Variants in RUFY4 observed in about 807,000 individuals in gnomAD.
The protein encoded by RUFY4 is RUN and FYVE domain containing 4.
A neutral mutation model predicts 69.0 loss-of-function variants in RUFY4; 73 were observed. That is an observed-to-expected ratio of 1.06 (90% CI 0.88 to 1.29). The LOEUF (loss-of-function observed/expected upper bound fraction) is 1.29, where lower values mean the gene tolerates loss of function less well. RUFY4 is among the 50% of genes most tolerant of loss of function. The pLI is 0.00. For missense variants in RUFY4, 770 were observed against 705.6 expected (o/e 1.09, Z -1.03); for synonymous variants, 287 against 271.8 (o/e 1.06, Z -0.55).
At chr2:218,073,585 C>A (rs1452663521) in intron 5 of RUFY4, among the ~76,000 whole-genome samples, 199 bp downstream of exon 7, 1 of 152,176 alleles carries the variant, frequency 6.6e-6, no homozygotes, top group Non-Finnish European at 1.5e-5. Context: ...TATGCACTCA[C>A]TAACGACTTC....
intron 8 of RUFY4, among the ~76,000 whole-genome samples, chr2:218,077,419 G>A (rs1215615599): frequency 6.6e-6 from 1 of 152,154 alleles, no homozygotes; most frequent in East Asian, 1.9e-4. Context: ...CTCACTACAT[G>A]GTGCAGACTG....
rs949628059 is a variant in RUFY4, at chr2:218,055,287, C to T, written c.-1157-3308C>T. Among the ~76,000 whole-genome samples, 9 of 151,654 alleles carry T rather than the reference C, an allele frequency of 5.9e-5. No individual in the cohort carries two copies. The South Asian group carries it at 6.3e-4, about 11-fold the overall frequency. On this transcript the variant is annotated intron_variant and NMD_transcript_variant, in intron 2 of 13. Coordinates refer to the RUFY4 transcript ENST00000457754. Reference sequence around the variant, plus strand: ...GCAGGCACCTGTAGTCCCAGCTACACGGGAGGCTGAGACAGGAGAATTGCT... The same window carrying T: ...GCAGGCACCTGTAGTCCCAGCTACATGGGAGGCTGAGACAGGAGAATTGCT...
upstream of RUFY4, among the ~76,000 whole-genome samples, chr2:218,065,162 A>T (rs1252732867): frequency 1.3e-5 from 2 of 152,156 alleles, no homozygotes; most frequent in Non-Finnish European, 2.9e-5. Flanking sequence ...CACCCAAGCC[A>T]TCTCCACATC....
At chr2:218,073,425 C>A (rs756393431) in intron 5 of RUFY4, 39 bp downstream of exon 7, 1 of 1,567,762 alleles carries the variant, frequency 6.4e-7, no homozygotes, top group Non-Finnish European at 8.7e-7. Context: ...TCTTTTGACA[C>A]CTGGTCCCAT....
At chr2:218,075,287 G>C (rs576014774) in exon 7 of RUFY4, 1 of 1,601,280 alleles carries the variant, frequency 6.2e-7, no homozygotes, top group East Asian at 2.2e-5. Flanking sequence ...CCCAGAGCAT[G>C]TGGGAGCCAG....
chr2:218,038,249 T>A (rs1315318237), intron 2 of RUFY4, among the ~76,000 whole-genome samples: 1 of 152,140 alleles, frequency 6.6e-6, no homozygotes. Context: ...AAAAAAAAGT[T>A]TTCAGAAAAA....
At chr2:218,042,741 G>A (rs1688727305) in intron 2 of RUFY4, among the ~76,000 whole-genome samples, 1 of 152,008 alleles carries the variant, frequency 6.6e-6, no homozygotes, top group Non-Finnish European at 1.5e-5. Context: ...TCGGGAAAGG[G>A]GCAGTTTTAA....
At chr2:218,058,163 A>G (rs1235413089) in intron 2 of RUFY4, among the ~76,000 whole-genome samples, 1 of 152,230 alleles carries the variant, frequency 6.6e-6, no homozygotes, top group Non-Finnish European at 1.5e-5. Flanking sequence ...TCACTCCAAA[A>G]TTACAAGATG....
intron 7 of RUFY4, 90 bp downstream of exon 9, chr2:218,075,830 C>G (rs542838651): frequency 3.2e-5 from 39 of 1,236,358 alleles, no homozygotes; most frequent in Non-Finnish European, 3.8e-5. Flanking sequence ...TGGGACCATT[C>G]CCTCCCACGG....
At chr2:218,066,266 C>G (rs1689328615), upstream of RUFY4, among the ~76,000 whole-genome samples, 1 of 149,690 alleles carries the variant, frequency 6.7e-6, no homozygotes, top group Admixed American at 6.7e-5. Flanking sequence ...TCACTGCAAC[C>G]TCCACCTCCC....
chr2:218,066,544 A>G (rs1689336842), upstream of RUFY4, among the ~76,000 whole-genome samples: 1 of 152,192 alleles, frequency 6.6e-6, no homozygotes, highest in Non-Finnish European at 1.5e-5. Flanking sequence ...CAGGCCAGGA[A>G]TCTCACTTCT....
chr2:218,065,044 G>C (rs1229988439), upstream of RUFY4, among the ~76,000 whole-genome samples: 1 of 152,194 alleles, frequency 6.6e-6, no homozygotes, highest in African/African-American at 2.4e-5. Context: ...GACAGACACT[G>C]AGGTCAGCTC....
upstream of RUFY4, among the ~76,000 whole-genome samples, chr2:218,064,948 G>A (rs1407806039): frequency 2.0e-5 from 3 of 151,490 alleles, no homozygotes; most frequent in African/African-American, 4.9e-5. Context: ...TCATCACCCC[G>A]ATCCCGTTTC....
intron 3 of RUFY4, 127 bp downstream of exon 5, chr2:218,072,626 C>T: frequency 7.2e-7 from 1 of 1,380,088 alleles, no homozygotes; most frequent in Admixed American, 2.4e-5. Context: ...AAGCCCTGCC[C>T]ACAGCACCCC....
At chr2:218,083,129 G>A (rs774934997) in exon 9 of RUFY4, 35 of 1,613,264 alleles carry the variant, frequency 2.2e-5, no homozygotes, top group Admixed American at 6.7e-5. Flanking sequence ...AGAGAGAGCC[G>A]AGCTGCAGGC....
intron 9 of RUFY4, among the ~76,000 whole-genome samples, chr2:218,085,139 T>G (rs528655732): frequency 6.6e-6 from 1 of 152,288 alleles, no homozygotes; most frequent in African/African-American, 2.4e-5. Flanking sequence ...GGGTTAGCAT[T>G]AGAACTCAGC....
intron 6 of RUFY4, 40 bp downstream of exon 8, chr2:218,073,925 C>T (rs769780114): frequency 6.3e-7 from 1 of 1,597,312 alleles, no homozygotes; most frequent in Non-Finnish European, 8.6e-7. Context: ...GCCTCTTCCC[C>T]ATCTCCTTGG....
chr2:218,078,885 G>C (rs975975925), intron 8 of RUFY4, among the ~76,000 whole-genome samples: 2 of 151,968 alleles, frequency 1.3e-5, no homozygotes, highest in Non-Finnish European at 2.9e-5. Context: ...TTTTGTTTTT[G>C]AGACAGAGTT....
chr2:218,072,258 C>T (rs1330794569), intron 2 of RUFY4, 116 bp from the exon 5 acceptor site: 7 of 1,294,548 alleles, frequency 5.4e-6, no homozygotes, highest in South Asian at 2.9e-5. Context: ...GTCTGGATGC[C>T]GGGTGTGTCT....
Sources: allele counts gnomAD v4.1 joint callset (sites outside exome capture counted in the v4.1 genomes callset), GRCh38; gene constraint gnomAD v4.1.1; transcripts MANE v1.5; gene names NCBI Gene and HGNC (gene_info 2026-07-23, HGNC 2026-07-21).